Variants in HACE1 observed in about 807,000 individuals in gnomAD.
HACE1 encodes the protein HECT domain and ankyrin repeat containing E3 ubiquitin protein ligase 1.
A neutral mutation model predicts 118.4 loss-of-function variants in HACE1; 73 were observed. The observed-to-expected ratio is 0.62, with a 90% CI of 0.51 to 0.75. HACE1 has a LOEUF of 0.75. Among genes scored for constraint, HACE1 ranks in the 30% least tolerant of loss-of-function variants. HACE1 has a pLI of 0.00. For synonymous variants in HACE1, 368 were observed against 374.8 expected (o/e 0.98, Z 0.21); for missense variants, 749 against 1,102.2 (o/e 0.68, Z 4.54).
At chr6:104,840,001 G>C (rs924502480) in intron 5 of HACE1, among the ~76,000 whole-genome samples, 5 of 152,044 alleles carry the variant, frequency 3.3e-5, no homozygotes, top group African/African-American at 1.2e-4. Flanking sequence ...GCGAGACTCT[G>C]TCTCAAAAAA....
intron 19 of HACE1, among the ~76,000 whole-genome samples, chr6:104,764,156 C>T (rs978812426): frequency 6.6e-6 from 1 of 152,164 alleles, no homozygotes; most frequent in African/African-American, 2.4e-5. Flanking sequence ...TGGTTCACTG[C>T]AACCTCCACT....
chr6:104,763,605 A>AG (rs1198920285), intron 19 of HACE1, among the ~76,000 whole-genome samples: 6 of 151,904 alleles, frequency 3.9e-5, no homozygotes, highest in South Asian at 2.1e-4. Context: ...AAAAAAAAAA[A>AG]GGGGCATACC....
chr6:104,849,108 C>T (rs1008733090), intron 4 of HACE1, 34 bp downstream of exon 4: 10 of 1,174,520 alleles, frequency 8.5e-6, no homozygotes, highest in Non-Finnish European at 1.2e-5. Context: ...ACTGATAATA[C>T]AACTTAAGCC....
At chr6:104,794,770 T>C (rs1281265713) in intron 10 of HACE1, among the ~76,000 whole-genome samples, 2 of 151,954 alleles carry the variant, frequency 1.3e-5, no homozygotes, top group Admixed American at 6.6e-5. Flanking sequence ...CCGGGCGTGG[T>C]GGTGTGTGCC....
At chr6:104,859,422 G>A (rs1416796863) in intron 1 of HACE1, 145 bp downstream of exon 1, 7 of 664,372 alleles carry the variant, frequency 1.1e-5, no homozygotes, top group Admixed American at 7.1e-5. Flanking sequence ...CGGGGCCCGG[G>A]GCCGCCTCTC....
intron 7 of HACE1, among the ~76,000 whole-genome samples, chr6:104,806,698 G>T (rs1239269020): frequency 6.6e-6 from 1 of 152,064 alleles, no homozygotes; most frequent in East Asian, 1.9e-4. Flanking sequence ...AGTTGTTTTT[G>T]AGATAGTCTC....
intron 11 of HACE1, among the ~76,000 whole-genome samples, chr6:104,789,201 AT>A (rs1782743338): frequency 6.6e-6 from 1 of 152,126 alleles, no homozygotes; most frequent in African/African-American, 2.4e-5. Context: ...CATTTTGCCA[AT>A]CCCCAAAGAT....
intron 20 of HACE1, among the ~76,000 whole-genome samples, chr6:104,745,745 TTTC>T (rs1212462956): frequency 6.6e-6 from 1 of 152,110 alleles, no homozygotes; most frequent in Non-Finnish European, 1.5e-5. Context: ...CCGGCCAGGA[TTTC>T]TTATTACAGG....
intron 5 of HACE1, among the ~76,000 whole-genome samples, chr6:104,834,028 T>C (rs1774278351): frequency 6.6e-6 from 1 of 152,138 alleles, no homozygotes; most frequent in Non-Finnish European, 1.5e-5. Context: ...CCTATGGTCC[T>C]AGCTTCTCAG....
intron 7 of HACE1, among the ~76,000 whole-genome samples, chr6:104,801,253 A>G (rs1770311818): frequency 6.6e-6 from 1 of 152,230 alleles, no homozygotes; most frequent in South Asian, 2.1e-4. Context: ...GGTGTACCTG[A>G]AAGTGTCAGG....
In HACE1 at chr6:104,777,232, T is replaced by A. The variant is rs148740081; in HGVS notation, c.1652A>T (p.Glu551Val). 1.9e-6 allele frequency: 3 copies of A among 1,612,816 alleles called. No individual in the cohort carries two copies. Among genetic ancestry groups the A allele is most frequent in the Non-Finnish European group, 2.5e-6 (3 of 1,178,768 alleles). The change falls in exon 15 of 24, where the codon GAA (glutamate) becomes GTA (valine). Residue 551 changes from glutamate to valine, a missense_variant. This residue lies in a region of HACE1 where 195 missense variants were observed against 322.1 expected (regional missense o/e 0.61). Transcript: ENST00000262903. ...DSDMVHRPVN[E>V]NDILLVHRDS... ...TCTGTGAACCAGCAGGATATCATTT[T>A]CATTCACTGGCCTGTGCACCATATC...
At position 104,850,955 on chromosome 6, in the gene HACE1, T is replaced by C. The variant is rs759190298; in HGVS notation, c.173A>G (p.Asn58Ser). 9.3e-6 allele frequency: 15 copies of C among 1,610,256 alleles called. No homozygotes were observed. The highest frequency in any genetic ancestry group is 1.3e-5 in the African/African-American group (1 of 74,880). The change falls in exon 3 of 24, where the codon AAT becomes AGT. Residue 58 changes from asparagine to serine, a missense_variant. Around this residue, in one of 5 missense-constraint regions of HACE1, gnomAD observed 120 missense variants for 219.1 expected, o/e 0.55. Transcript: ENST00000262903. ...TCTTTTCACACGTCCGAATGCATAA[T>C]TGACATCAAATTTTGAATTTGATAG... ...ELLSNSKFDVNYAFGRVKRSL... is the reference protein window; with the variant it reads ...ELLSNSKFDVSYAFGRVKRSL...
chr6:104,767,172 C>T (rs1411707905), intron 19 of HACE1, among the ~76,000 whole-genome samples: 2 of 152,076 alleles, frequency 1.3e-5, no homozygotes, highest in East Asian at 3.8e-4. Flanking sequence ...AAACACAAAG[C>T]ACTCAATAAG....
At chr6:104,761,928 C>A (rs899789690) in intron 19 of HACE1, among the ~76,000 whole-genome samples, 1 of 152,080 alleles carries the variant, frequency 6.6e-6, no homozygotes, top group African/African-American at 2.4e-5. Flanking sequence ...CATTTATGCA[C>A]CCAACAGACA....
At chr6:104,783,598 T>C (rs1781988845) in intron 14 of HACE1, among the ~76,000 whole-genome samples, 1 of 152,200 alleles carries the variant, frequency 6.6e-6, no homozygotes, top group African/African-American at 2.4e-5. Flanking sequence ...GCTAGCTTCA[T>C]GTAACATGAG....
chr6:104,797,746 G>A (rs1295290075), intron 7 of HACE1, among the ~76,000 whole-genome samples: 1 of 151,940 alleles, frequency 6.6e-6, no homozygotes, highest in Admixed American at 6.6e-5. Context: ...TATCACTCCA[G>A]GGAAATTAAT....
At chr6:104,771,513 A>G in intron 18 of HACE1, 124 bp from the exon 19 acceptor site, 2 of 642,880 alleles carry the variant, frequency 3.1e-6, no homozygotes, top group South Asian at 3.6e-5. Flanking sequence ...TCCTACACAC[A>G]GCATATTTTA....
At chr6:104,857,471 C>T (rs2114403046) in intron 1 of HACE1, among the ~76,000 whole-genome samples, 1 of 151,750 alleles carries the variant, frequency 6.6e-6, no homozygotes, top group South Asian at 2.1e-4. Context: ...TATGTTGAGC[C>T]TTAGAAATGT....
chr6:104,753,971 G>C (rs1778345296), intron 19 of HACE1, among the ~76,000 whole-genome samples: 1 of 152,132 alleles, frequency 6.6e-6, no homozygotes, highest in African/African-American at 2.4e-5. Flanking sequence ...AGATAAAGGA[G>C]CATGTTTTAA....
Sources: gnomAD v4.1 joint callset for allele counts (sites outside exome capture counted in the v4.1 genomes callset) on GRCh38, gnomAD v4.1.1 for gene constraint, gnomAD v4.1.1 regional missense constraint, MANE v1.5 for transcripts, NCBI Gene and HGNC (gene_info 2026-07-23, HGNC 2026-07-21) for gene names.